The following WRN variants were observed in gnomAD, a reference collection of about 807,000 sequenced individuals.
WRN encodes WRN RecQ like helicase.
In WRN, 149 loss-of-function variants were observed where a neutral mutation model predicts 180.7. The ratio of observed to expected loss-of-function variants is 0.82; its 90% confidence interval spans 0.72 to 0.94. The LOEUF (loss-of-function observed/expected upper bound fraction) is 0.94. Ranked by LOEUF, WRN falls within the 40% of genes least tolerant of loss-of-function variation. The pLI is 0.00. For synonymous variants in WRN, 548 were observed against 568.9 expected, an observed-to-expected ratio of 0.96 and a Z score of 0.52; for missense variants, 1,661 against 1,700.1, an observed-to-expected ratio of 0.98 and a Z score of 0.40.
chr8:31,069,650 A>G (rs1186108313), intron 7 of WRN, among the ~76,000 whole-genome samples: 4 of 152,226 alleles, frequency 2.6e-5, no homozygotes, highest in Admixed American at 1.3e-4. Context: ...AGCATTTTAT[A>G]TAAGAGACTT....
At chr8:31,079,028 A>G (rs1448612490) in intron 8 of WRN, among the ~76,000 whole-genome samples, 2 of 152,188 alleles carry the variant, frequency 1.3e-5, no homozygotes, top group Non-Finnish European at 1.5e-5. Flanking sequence ...TTCCTACTAA[A>G]CTATTTGCAT....
intron 7 of WRN, among the ~76,000 whole-genome samples, chr8:31,071,882 C>G (rs978226893): frequency 2.0e-5 from 3 of 152,142 alleles, no homozygotes; most frequent in Non-Finnish European, 1.5e-5. Flanking sequence ...AGACACATGT[C>G]AAGGATCATT....
At position 31,081,010 on chromosome 8, in the gene WRN, T is replaced by A; in HGVS notation, c.983T>A (p.Val328Glu). Reference sequence around the variant, plus strand: ...TTTGAAGATTCAACTACTGGGGGAGTACAACAGAAACAAATTAGAGAACAT... The same window carrying A: ...TTTGAAGATTCAACTACTGGGGGAGAACAACAGAAACAAATTAGAGAACAT... ...LSFEDSTTGG[V>E]QQKQIREHEV... Residue 328 changes from valine to glutamate, a missense_variant, in exon 9 of 35, where the codon GTA becomes GAA. Val to Glu is a moderately radical substitution (Grantham distance 121). Around this residue, in one of 3 missense-constraint regions of WRN, gnomAD observed 500 missense variants for 504.1 expected, o/e 0.99. Transcript: ENST00000298139. 1 of 1,613,782 alleles carries A rather than the reference T, an allele frequency of 6.2e-7. No individual in the cohort carries two copies. The highest frequency in any genetic ancestry group is 8.5e-7 in the Non-Finnish European group (1 of 1,179,934).
chr8:31,065,262 G>A (rs1317374343), intron 5 of WRN, among the ~76,000 whole-genome samples, 199 bp downstream of exon 5: 2 of 151,998 alleles, frequency 1.3e-5, no homozygotes, highest in African/African-American at 4.8e-5. Context: ...TTTCAAGATC[G>A]GGGTACATGT....
intron 1 of WRN, among the ~76,000 whole-genome samples, chr8:31,034,523 C>A (rs1223712550): frequency 6.6e-6 from 1 of 152,076 alleles, no homozygotes; most frequent in East Asian, 1.9e-4. Flanking sequence ...CGGAGTACTT[C>A]AGGCTTTTTA....
Position 31,112,733 on chromosome 8 carries a change from T to C in WRN, c.2273+934T>C, listed in dbSNP as rs11574296. Among the ~76,000 whole-genome samples, 669 of 152,074 alleles carry C rather than the reference T, an allele frequency of 4.4e-3. 5 individuals carry two copies. Among genetic ancestry groups the C allele is most frequent in the African/African-American group, 0.015 (638 of 41,514 alleles). Reference sequence around the variant, plus strand: ...TCCCAAGTAGCTGAAATTACAGGTGTGCGCCACCATGCCAGGCTAATTTTT... The same window carrying C: ...TCCCAAGTAGCTGAAATTACAGGTGCGCGCCACCATGCCAGGCTAATTTTT... On this transcript the variant is annotated intron_variant, in intron 19 of 34. Coordinates refer to ENST00000298139, the MANE Select transcript of WRN (RefSeq NM_000553.6).
At chr8:31,170,416 T>G (rs1349517672) in intron 34 of WRN, among the ~76,000 whole-genome samples, 1 of 152,172 alleles carries the variant, frequency 6.6e-6, no homozygotes, top group Non-Finnish European at 1.5e-5. Context: ...TTATACAAAT[T>G]GTTTTGTAGA....
intron 1 of WRN, among the ~76,000 whole-genome samples, chr8:31,044,977 C>T (rs963589276): frequency 6.6e-6 from 1 of 152,132 alleles, no homozygotes; most frequent in African/African-American, 2.4e-5. Context: ...ATTTTGATGC[C>T]TTCTATGAAA....
At chr8:31,142,062 C>T (rs1374427186) in intron 26 of WRN, among the ~76,000 whole-genome samples, 3 of 151,908 alleles carry the variant, frequency 2.0e-5, no homozygotes, top group African/African-American at 7.3e-5. Flanking sequence ...TAATCCTCAG[C>T]CACCTGAGTA....
chr8:31,064,902 G>A lies in WRN; in HGVS notation c.356-13G>A. ...TTGACAGAACTTATGGAAATAACAAGAAAATGTTACAGTTTTTCCCCAGGG... is the reference window on the plus strand; with the variant it reads ...TTGACAGAACTTATGGAAATAACAAAAAAATGTTACAGTTTTTCCCCAGGG... On this transcript the variant is annotated splice_polypyrimidine_tract_variant and intron_variant, in intron 4 of 34. Coordinates refer to ENST00000298139, the MANE Select transcript of WRN (RefSeq NM_000553.6). The A allele has an allele frequency of 1.9e-6, 3 of 1,613,022 alleles. No individual in the cohort carries two copies. Among genetic ancestry groups the A allele is most frequent in the Non-Finnish European group, 1.7e-6 (2 of 1,179,430 alleles).
chr8:31,085,534 A>T (rs1168301604), intron 11 of WRN, among the ~76,000 whole-genome samples: 1 of 150,594 alleles, frequency 6.6e-6, no homozygotes. Context: ...TAGTGGTGCC[A>T]TCTTGGCTCA....
intron 7 of WRN, among the ~76,000 whole-genome samples, chr8:31,071,173 A>G (rs1329557580): frequency 6.6e-6 from 1 of 152,178 alleles, no homozygotes; most frequent in Non-Finnish European, 1.5e-5. Context: ...GTAATTCAGT[A>G]TAGTGAACAT....
chr8:31,071,181 C>G (rs750946889), intron 7 of WRN, among the ~76,000 whole-genome samples: 6 of 151,546 alleles, frequency 4.0e-5, no homozygotes, highest in Non-Finnish European at 8.8e-5. Context: ...GTATAGTGAA[C>G]ATTGAATAGG....
chr8:31,167,844 T>C (rs1803959312), intron 34 of WRN, among the ~76,000 whole-genome samples: 1 of 152,156 alleles, frequency 6.6e-6, no homozygotes, highest in African/African-American at 2.4e-5. Context: ...AATATGACTC[T>C]ATTAAATGAT....
chr8:31,052,759 A>G (rs977909364), intron 1 of WRN, among the ~76,000 whole-genome samples: 1 of 152,142 alleles, frequency 6.6e-6, no homozygotes, highest in African/African-American at 2.4e-5. Flanking sequence ...GTTCTGTTTT[A>G]TGGATGTACC....
intron 9 of WRN, among the ~76,000 whole-genome samples, chr8:31,082,591 A>C (rs959206195): frequency 2.0e-5 from 3 of 151,922 alleles, no homozygotes; most frequent in African/African-American, 7.3e-5. Context: ...TAGGATTATC[A>C]GGATTTCATG....
chr8:31,163,432 GTT>G (rs1281963562), intron 33 of WRN, among the ~76,000 whole-genome samples: 1 of 151,986 alleles, frequency 6.6e-6, no homozygotes, highest in Non-Finnish European at 1.5e-5. Flanking sequence ...GGCTTAGAGA[GTT>G]ATAAAACTGT....
At position 31,037,607 on chromosome 8, in the gene WRN, G is replaced by A. The variant is rs145569921; in HGVS notation, c.-77+3634G>A. Among the ~76,000 whole-genome samples the A allele has an allele frequency of 3.2e-3, 483 of 152,288 alleles. 4 individuals carry two copies. The highest frequency in any genetic ancestry group is 6.8e-3 in the Middle Eastern group (2 of 294). On this transcript the variant is annotated intron_variant, in intron 1 of 34. Coordinates refer to ENST00000298139, the MANE Select transcript of WRN (RefSeq NM_000553.6). ...TGACTACTTTCATTCTTTTGCATAT[G>A]GTTATCAGTTTTCCCAACACCGTTT...
At chr8:31,074,656 C>T (rs1813033751) in intron 7 of WRN, among the ~76,000 whole-genome samples, 1 of 151,976 alleles carries the variant, frequency 6.6e-6, no homozygotes, top group South Asian at 2.1e-4. Flanking sequence ...TATTCAACTG[C>T]TTGGGTGTAG....
Sources: gnomAD v4.1 joint callset for allele counts (sites outside exome capture counted in the v4.1 genomes callset) on GRCh38, gnomAD v4.1.1 for gene constraint, gnomAD v4.1.1 regional missense constraint, MANE v1.5 for transcripts, NCBI Gene and HGNC (gene_info 2026-07-23, HGNC 2026-07-21) for gene names.